RBM47: variants seen among roughly 807,000 people sequenced by gnomAD.
RBM47 encodes the protein RNA binding motif protein 47, also known as RNA-binding protein 47.
In RBM47, 21 loss-of-function variants were observed where a neutral mutation model predicts 47.1. The ratio of observed to expected loss-of-function variants is 0.45; its 90% confidence interval spans 0.32 to 0.64. The LOEUF is 0.64. Ranked by LOEUF, RBM47 falls within the 30% of genes least tolerant of loss-of-function variation. The probability of loss-of-function intolerance (pLI) is 0.05; values close to 1 mark genes in which losing one functional copy is unlikely to be tolerated. For missense variants in RBM47, 708 were observed against 870.9 expected (o/e 0.81, Z 2.35); for synonymous variants, 375 against 361.7 (o/e 1.04, Z -0.42).
At chr4:40,525,844 A>G (rs1027881280) in intron 2 of RBM47, among the ~76,000 whole-genome samples, 1 of 130,274 alleles carries the variant, frequency 7.7e-6, no homozygotes, top group African/African-American at 3.8e-5. Flanking sequence ...AGAAAAACCA[A>G]TCAACTTTGC....
chr4:40,589,811 G>A (rs1397622358), intron 1 of RBM47, among the ~76,000 whole-genome samples: 1 of 152,156 alleles, frequency 6.6e-6, no homozygotes, highest in African/African-American at 2.4e-5. Flanking sequence ...TTTTAATTCT[G>A]GCATTTAGGA....
intron 1 of RBM47, among the ~76,000 whole-genome samples, chr4:40,571,948 G>A (rs1001842468): frequency 5.9e-5 from 9 of 151,432 alleles, no homozygotes; most frequent in Admixed American, 5.3e-4. Context: ...GCTTGAACTC[G>A]GGAGGCGGAG....
intron 1 of RBM47, among the ~76,000 whole-genome samples, chr4:40,600,680 A>G (rs752056363): frequency 1.7e-4 from 25 of 147,412 alleles, no homozygotes; most frequent in Non-Finnish European, 3.7e-4. Context: ...GATGAAAGTT[A>G]CAAGAAAGAA....
chr4:40,491,793 AC>A (rs1449736028), intron 2 of RBM47: 30 of 211,692 alleles, frequency 1.4e-4, no homozygotes, highest in Admixed American at 6.1e-5. Flanking sequence ...ACGATGTGCC[AC>A]CGCTGTGGCT....
chr4:40,497,728 C>A (rs1052165211), intron 2 of RBM47, among the ~76,000 whole-genome samples: 3 of 150,284 alleles, frequency 2.0e-5, no homozygotes, highest in African/African-American at 7.3e-5. Flanking sequence ...AGTCCCAGTA[C>A]TTTAGGAGGC....
intron 3 of RBM47, among the ~76,000 whole-genome samples, chr4:40,445,970 G>A (rs1714473187): frequency 6.6e-6 from 1 of 152,160 alleles, no homozygotes; most frequent in Non-Finnish European, 1.5e-5. Flanking sequence ...TTTTAAAAGG[G>A]ACTGGGCATT....
intron 3 of RBM47, among the ~76,000 whole-genome samples, chr4:40,461,736 T>TTGAACTGGTCC (rs1295638174): frequency 1.3e-5 from 2 of 152,116 alleles, no homozygotes; most frequent in Non-Finnish European, 2.9e-5. Flanking sequence ...CAAGACCAGC[T>TTGAACTGGTCC]ATGGCTAACA....
chr4:40,458,243 T>C (rs1275082516), intron 3 of RBM47, among the ~76,000 whole-genome samples: 2 of 152,250 alleles, frequency 1.3e-5, no homozygotes, highest in African/African-American at 4.8e-5. Context: ...TTGCCTGTCC[T>C]GAAACAAAGG....
At chr4:40,586,218 G>A (rs940794636) in intron 1 of RBM47, among the ~76,000 whole-genome samples, 55 of 152,190 alleles carry the variant, frequency 3.6e-4, no homozygotes, top group African/African-American at 1.2e-3. Flanking sequence ...GATTCTGATC[G>A]GTTCATCCTG....
intron 1 of RBM47, among the ~76,000 whole-genome samples, chr4:40,555,862 C>T (rs895762328): frequency 2.6e-5 from 4 of 152,048 alleles, no homozygotes; most frequent in African/African-American, 7.2e-5. Context: ...TTTGGACCAG[C>T]GATGACACCA....
intron 2 of RBM47, among the ~76,000 whole-genome samples, chr4:40,505,543 G>A (rs998945892): frequency 6.6e-5 from 10 of 151,154 alleles, no homozygotes; most frequent in African/African-American, 1.9e-4. Context: ...GCATTCCCTG[G>A]TATTTAATTT....
intron 2 of RBM47, among the ~76,000 whole-genome samples, chr4:40,541,366 T>C (rs1399018347): frequency 1.3e-5 from 2 of 152,062 alleles, no homozygotes; most frequent in Non-Finnish European, 2.9e-5. Context: ...TGTGTATACA[T>C]GAACATGTGT....
intron 2 of RBM47, among the ~76,000 whole-genome samples, chr4:40,535,278 T>C (rs575330937): frequency 6.6e-6 from 1 of 152,062 alleles, no homozygotes; most frequent in Admixed American, 6.6e-5. Context: ...TACACAGGTA[T>C]AGATGAACAA....
intron 1 of RBM47, among the ~76,000 whole-genome samples, chr4:40,600,209 T>C (rs778578667): frequency 4.0e-4 from 61 of 151,660 alleles, no homozygotes; most frequent in South Asian, 8.3e-4. Context: ...GACAGGGTGT[T>C]GCTGTGGTGA....
chr4:40,499,420 T>A (rs1187178969), intron 2 of RBM47, among the ~76,000 whole-genome samples: 3 of 152,204 alleles, frequency 2.0e-5, no homozygotes, highest in Non-Finnish European at 4.4e-5. Context: ...TATTTATTTG[T>A]TTATTTTGAG....
chr4:40,488,276 G>A (rs1186992885), intron 2 of RBM47, among the ~76,000 whole-genome samples: 1 of 140,212 alleles, frequency 7.1e-6, no homozygotes, highest in African/African-American at 2.6e-5. Flanking sequence ...GTTGCAGTGA[G>A]CCGAGATTGT....
chr4:40,436,752 A>G, intron 4 of RBM47, 105 bp from the exon 5 acceptor site: 1 of 1,062,652 alleles, frequency 9.4e-7, no homozygotes, highest in Non-Finnish European at 1.4e-6. Context: ...TCTTAATTGC[A>G]GGTGGCTACA....
chr4:40,534,929 C>G (rs568526118), intron 2 of RBM47, among the ~76,000 whole-genome samples: 1 of 141,506 alleles, frequency 7.1e-6, no homozygotes, highest in East Asian at 2.0e-4. Context: ...AGCAAGACTC[C>G]GTCTCAGAAA....
At chr4:40,527,765 G>T (rs977998771) in intron 2 of RBM47, among the ~76,000 whole-genome samples, 2 of 140,184 alleles carry the variant, frequency 1.4e-5, no homozygotes, top group East Asian at 2.0e-4. Flanking sequence ...TGTGTGTTTG[G>T]GGGGTGGGGG....
Sources: gnomAD v4.1 joint callset for allele counts (sites outside exome capture counted in the v4.1 genomes callset) on GRCh38, gnomAD v4.1.1 for gene constraint, MANE v1.5 for transcripts, NCBI Gene and HGNC (gene_info 2026-07-23, HGNC 2026-07-21) for gene names.